PTPRN2: variants seen among roughly 807,000 people sequenced by gnomAD.
The protein encoded by PTPRN2 is protein tyrosine phosphatase receptor type N2.
In PTPRN2, 74 loss-of-function variants were observed where a neutral mutation model predicts 118.8. The ratio of observed to expected loss-of-function variants is 0.62; its 90% CI spans 0.52 to 0.76. The LOEUF is 0.76. PTPRN2 is among the 30% of genes least tolerant of loss of function. The pLI is 0.00. For synonymous variants in PTPRN2, 641 were observed against 608.0 expected, an observed-to-expected ratio of 1.05 and a Z score of -0.80; for missense variants, 1,481 against 1,394.4, an observed-to-expected ratio of 1.06 and a Z score of -0.99.
chr7:158,168,311 G>A (rs1396097672), intron 5 of PTPRN2, among the ~76,000 whole-genome samples: 1 of 152,222 alleles, frequency 6.6e-6, no homozygotes, highest in African/African-American at 2.4e-5. Context: ...CGGAGTTACT[G>A]CATTCACAGC....
At chr7:158,245,246 G>T (rs1159192629) in intron 3 of PTPRN2, among the ~76,000 whole-genome samples, 2 of 149,400 alleles carry the variant, frequency 1.3e-5, no homozygotes. Context: ...CGGAATCCGT[G>T]GTCATGCTGG....
At chr7:157,936,598 C>T (rs572850116) in intron 11 of PTPRN2, among the ~76,000 whole-genome samples, 6 of 142,634 alleles carry the variant, frequency 4.2e-5, no homozygotes, top group African/African-American at 1.3e-4. Context: ...GGACACCTCC[C>T]GTGTCTCCTC....
rs147811921 is a variant in PTPRN2, at chr7:158,548,890, C to T, written c.112+38668G>A. Among the ~76,000 whole-genome samples, 3 of 152,326 alleles carry T rather than the reference C, an allele frequency of 2.0e-5. No individual in the cohort carries two copies. In the East Asian group the frequency reaches 5.8e-4, roughly 29 times the overall value. Reference sequence around the variant, plus strand: ...TCCACAAAGGAGAGGAACCGCAGTCCGTGCCAACAGCCTTTCCCAGGAAAG... The same window carrying T: ...TCCACAAAGGAGAGGAACCGCAGTCTGTGCCAACAGCCTTTCCCAGGAAAG... On this transcript the variant is annotated intron_variant, in intron 1 of 22. Coordinates refer to ENST00000389418, the MANE Select transcript of PTPRN2 (RefSeq NM_002847.5).
At chr7:157,724,193 T>C (rs111817239) in intron 12 of PTPRN2, among the ~76,000 whole-genome samples, 115 of 152,232 alleles carry the variant, frequency 7.6e-4, no homozygotes, top group African/African-American at 2.7e-3. Context: ...AATTTAGGCT[T>C]CCCCCGTCTG....
chr7:158,471,842 C>T (rs532440249), intron 2 of PTPRN2, among the ~76,000 whole-genome samples: 18 of 152,392 alleles, frequency 1.2e-4, no homozygotes, highest in East Asian at 5.8e-4. Context: ...GCGGGCGCCC[C>T]GGCCCCAGGG....
rs1290269877 is a variant in PTPRN2, at chr7:157,794,373, C to CGGCCTACG, written c.1788+104292_1788+104299dup. ...CTGCACTTCCGGTTCTGCGTCTGGC[C>CGGCCTACG]GGCCTACGGGCACTCGGGCAGTGCG... is the stretch of plus-strand genomic sequence containing the variant. On this transcript the variant is annotated intron_variant, in intron 12 of 22. Transcript: ENST00000389418. The surrounding 1 kb of genome is among the most constrained non-coding windows in gnomAD (Gnocchi z 5.2). 6.6e-6 allele frequency among the ~76,000 whole-genome samples: 1 copy of CGGCCTACG among 152,224 alleles called. No homozygotes were observed. Among genetic ancestry groups the CGGCCTACG allele is most frequent in the Non-Finnish European group, 1.5e-5 (1 of 68,050 alleles).
chr7:158,354,862 C>T (rs1032836374), intron 2 of PTPRN2, among the ~76,000 whole-genome samples: 3 of 152,146 alleles, frequency 2.0e-5, no homozygotes, highest in Non-Finnish European at 4.4e-5. Flanking sequence ...ATATGACCAC[C>T]TCAGGCTTTT....
At position 157,990,305 on chromosome 7, in the gene PTPRN2, G is replaced by A. The variant is rs1289638085; in HGVS notation, c.1723+90993C>T. 6.6e-6 allele frequency among the ~76,000 whole-genome samples: 1 copy of A among 152,072 alleles called. No homozygotes were observed. Among genetic ancestry groups the A allele is most frequent in the Non-Finnish European group, 1.5e-5 (1 of 68,032 alleles). On this transcript the variant is annotated intron_variant, in intron 11 of 22. Transcript: ENST00000389418. The surrounding 1 kb of genome is among the most constrained non-coding windows in gnomAD (Gnocchi z 4.3). ...TGTAGCGACACAGCTTCCCAAGCAGGCGAGTGACCTGGAGCACAGAGGGGA... is the reference window on the plus strand; with the variant it reads ...TGTAGCGACACAGCTTCCCAAGCAGACGAGTGACCTGGAGCACAGAGGGGA...
intron 10 of PTPRN2, among the ~76,000 whole-genome samples, chr7:158,110,095 T>C (rs903178155): frequency 6.6e-6 from 1 of 152,168 alleles, no homozygotes; most frequent in Non-Finnish European, 1.5e-5. Flanking sequence ...CACAGGCAGG[T>C]GGGCACACAG....
At chr7:157,824,401 C>T (rs1807041731) in intron 12 of PTPRN2, among the ~76,000 whole-genome samples, 1 of 152,202 alleles carries the variant, frequency 6.6e-6, no homozygotes, top group African/African-American at 2.4e-5. Flanking sequence ...GGATGGGAGG[C>T]CTCTGTCTGG....
chr7:158,151,574 T>C (rs1331527156), intron 6 of PTPRN2, among the ~76,000 whole-genome samples: 2 of 150,914 alleles, frequency 1.3e-5, no homozygotes, highest in Non-Finnish European at 3.0e-5. Context: ...TGTGGTGGGG[T>C]GGTGGTGGTG....
At chr7:158,143,267 G>A (rs1453340230) in intron 6 of PTPRN2, among the ~76,000 whole-genome samples, 1 of 152,184 alleles carries the variant, frequency 6.6e-6, no homozygotes, top group Non-Finnish European at 1.5e-5. Flanking sequence ...CCTGAGTTCT[G>A]AAGGGTCCCG....
intron 12 of PTPRN2, among the ~76,000 whole-genome samples, chr7:157,818,044 CTG>C (rs1806537866): frequency 1.3e-5 from 2 of 149,200 alleles, no homozygotes; most frequent in Non-Finnish European, 3.0e-5. Context: ...ATGTTTGTGT[CTG>C]TGGATGTGTG....
rs77434791 is a variant in PTPRN2 at position 158,113,211 on chromosome 7, G to A, written c.1557-2296C>T. Among the ~76,000 whole-genome samples, 773 of 152,260 alleles carry A rather than the reference G, an allele frequency of 5.1e-3. 26 individuals carry two copies. In the East Asian group the frequency reaches 0.099, roughly 19 times the overall value. The stretch of plus-strand genomic sequence containing the variant: ...ATGGGGAGCTGAGGCCGAGCTTAGC[G>A]GGTCATGATGGCTGTGGGCTGACCT... On this transcript the variant is annotated intron_variant, in intron 9 of 22. Coordinates refer to ENST00000389418, the MANE Select transcript of PTPRN2 (RefSeq NM_002847.5).
chr7:158,408,124 A>G (rs1325721826), intron 2 of PTPRN2, among the ~76,000 whole-genome samples: 1 of 152,240 alleles, frequency 6.6e-6, no homozygotes, highest in African/African-American at 2.4e-5. Flanking sequence ...GTTAAGTTAC[A>G]CTGACATCTG....
intron 17 of PTPRN2, among the ~76,000 whole-genome samples, chr7:157,594,635 A>G (rs1430681274): frequency 1.3e-5 from 2 of 152,246 alleles, no homozygotes; most frequent in East Asian, 3.8e-4. Context: ...GCCACGTTCC[A>G]GGTTCCAGAA....
intron 3 of PTPRN2, among the ~76,000 whole-genome samples, chr7:158,227,884 T>A (rs1190824541): frequency 1.3e-5 from 2 of 152,186 alleles, no homozygotes; most frequent in Non-Finnish European, 2.9e-5. Flanking sequence ...CTGTGCACAG[T>A]GGGGGTGCCT....
At chr7:158,564,418 C>T (rs906324467) in intron 1 of PTPRN2, among the ~76,000 whole-genome samples, 7 of 152,242 alleles carry the variant, frequency 4.6e-5, no homozygotes, top group Non-Finnish European at 8.8e-5. Flanking sequence ...GCTGAGCTGA[C>T]TCCCACCTCC....
intron 6 of PTPRN2, among the ~76,000 whole-genome samples, chr7:158,139,035 C>T (rs1333069210): frequency 1.3e-5 from 2 of 152,064 alleles, no homozygotes; most frequent in African/African-American, 4.8e-5. Context: ...CTAAACACAG[C>T]CACACAGGGT....
Sources: allele counts gnomAD v4.1 joint callset (sites outside exome capture counted in the v4.1 genomes callset), GRCh38; gene constraint gnomAD v4.1.1; non-coding constraint Gnocchi (gnomAD v3.1); transcripts MANE v1.5; gene names NCBI Gene and HGNC (gene_info 2026-07-23, HGNC 2026-07-21).